The following LGR6 variants were observed in gnomAD, a reference collection of about 807,000 sequenced individuals.
LGR6 encodes leucine-rich repeat-containing G protein-coupled receptor 6.
A neutral mutation model predicts 69.4 loss-of-function variants in LGR6; 45 were observed. The observed-to-expected ratio is 0.65, with a 90% CI of 0.51 to 0.83. LGR6 has a LOEUF of 0.83. LGR6 is among the 40% of genes least tolerant of loss of function. The pLI is 0.00. For synonymous variants in LGR6, 538 were observed against 555.0 expected (o/e 0.97, Z 0.43); for missense variants, 1,108 against 1,246.7 (o/e 0.89, Z 1.68).
intron 4 of LGR6, among the ~76,000 whole-genome samples, chr1:202,241,641 TG>T (rs1463186711): frequency 1.5e-5 from 2 of 132,676 alleles, no homozygotes; most frequent in Non-Finnish European, 3.2e-5. Context: ...CAGCAGAGCC[TG>T]GGGGAAAATA....
intron 11 of LGR6, among the ~76,000 whole-genome samples, chr1:202,305,126 G>A (rs1046681440): frequency 6.6e-6 from 1 of 152,104 alleles, no homozygotes. Context: ...AACGCATAGT[G>A]TGTGGAAAGA....
At chr1:202,276,945 C>G (rs1394620589) in intron 5 of LGR6, among the ~76,000 whole-genome samples, 1 of 152,072 alleles carries the variant, frequency 6.6e-6, no homozygotes, top group Non-Finnish European at 1.5e-5. Context: ...ATTTCCCAGG[C>G]CTTAAGAAGC....
At chr1:202,215,003 G>GTT (rs963964064) in intron 1 of LGR6, among the ~76,000 whole-genome samples, 6 of 149,216 alleles carry the variant, frequency 4.0e-5, no homozygotes, top group Admixed American at 6.7e-5. Context: ...GTGTGTGTGT[G>GTT]TGTGTGTGTG....
At chr1:202,295,387 A>G (rs1394916846) in intron 6 of LGR6, among the ~76,000 whole-genome samples, 1 of 151,904 alleles carries the variant, frequency 6.6e-6, no homozygotes, top group African/African-American at 2.4e-5. Flanking sequence ...CATTTATGGG[A>G]AATCTAGTTC....
At chr1:202,255,747 A>C (rs537687573) in intron 4 of LGR6, among the ~76,000 whole-genome samples, 30 of 152,260 alleles carry the variant, frequency 2.0e-4, no homozygotes, top group Non-Finnish European at 4.3e-4. Context: ...ATGAGCACAC[A>C]TACTCTTACA....
chr1:202,197,361 T>C (rs923100780), intron 1 of LGR6: 10 of 530,116 alleles, frequency 1.9e-5, no homozygotes, highest in African/African-American at 1.7e-4. Flanking sequence ...GCCAGCCCTG[T>C]TTGATCAAGG....
rs1165506409 is a variant in LGR6, at chr1:202,268,229, GCTGGCAC to G, written c.429-8069_429-8063del. ...GAGCCCCGTGGCCCTCCGTGCAGAAGCTGGCACCTGGCACTGGCGGCTGGTGCTGGTG... is the reference window on the plus strand; with the variant it reads ...GAGCCCCGTGGCCCTCCGTGCAGAAGCTGGCACTGGCGGCTGGTGCTGGTG... On this transcript the variant is annotated intron_variant, in intron 4 of 17. Coordinates refer to ENST00000367278, the MANE Select transcript of LGR6 (RefSeq NM_001017403.2). This position sits in a 1 kb window ranked among gnomAD's most constrained non-coding sequence, Gnocchi z 4.4. Among the ~76,000 whole-genome samples, 2 of 152,226 alleles carry G rather than the reference GCTGGCAC, an allele frequency of 1.3e-5. No individual in the cohort carries two copies. Among genetic ancestry groups the G allele is most frequent in the Non-Finnish European group, 2.9e-5 (2 of 68,032 alleles).
intron 4 of LGR6, among the ~76,000 whole-genome samples, chr1:202,242,385 T>C (rs1015319386): frequency 2.0e-5 from 3 of 152,194 alleles, no homozygotes; most frequent in Non-Finnish European, 4.4e-5. Context: ...GTTCAAGTCC[T>C]AGCTCTATCA....
At chr1:202,196,305 C>T (rs1193756700) in intron 1 of LGR6, among the ~76,000 whole-genome samples, 1 of 152,088 alleles carries the variant, frequency 6.6e-6, no homozygotes, top group African/African-American at 2.4e-5. Context: ...TTTCTTTGCC[C>T]TCTCTGGAGA....
intron 6 of LGR6, among the ~76,000 whole-genome samples, chr1:202,296,289 A>G (rs545999189): frequency 6.6e-6 from 1 of 152,318 alleles, no homozygotes; most frequent in South Asian, 2.1e-4. Flanking sequence ...TCCAAGAGGC[A>G]TTAAGACACC....
intron 4 of LGR6, among the ~76,000 whole-genome samples, chr1:202,249,596 C>G (rs1020097575): frequency 6.6e-6 from 1 of 152,224 alleles, no homozygotes; most frequent in African/African-American, 2.4e-5. Flanking sequence ...GTAAACCCAT[C>G]ATCTCCTATG....
At chr1:202,316,576 G>T (rs1251765913) in intron 17 of LGR6, among the ~76,000 whole-genome samples, 1 of 152,086 alleles carries the variant, frequency 6.6e-6, no homozygotes, top group African/African-American at 2.4e-5. Context: ...TCTTAATTTA[G>T]CTTGAAAACC....
At chr1:202,272,122 T>C (rs533813998) in intron 4 of LGR6, among the ~76,000 whole-genome samples, 4 of 152,348 alleles carry the variant, frequency 2.6e-5, no homozygotes, top group Admixed American at 6.5e-5. Flanking sequence ...ATGGGACTTA[T>C]TCAAACTTAT....
At chr1:202,303,371 CT>C in intron 10 of LGR6, 24 bp downstream of exon 10, 2 of 1,586,514 alleles carry the variant, frequency 1.3e-6, no homozygotes, top group Non-Finnish European at 1.7e-6. Flanking sequence ...CTCTCCCTAC[CT>C]TATCTATCGC....
At chr1:202,290,570 C>T (rs949891842) in intron 6 of LGR6, among the ~76,000 whole-genome samples, 7 of 152,274 alleles carry the variant, frequency 4.6e-5, no homozygotes, top group Non-Finnish European at 2.9e-5. Context: ...AGCTCATTTC[C>T]TCATCAATAA....
chr1:202,285,820 C>T (rs1440567370), intron 6 of LGR6, among the ~76,000 whole-genome samples: 1 of 152,162 alleles, frequency 6.6e-6, no homozygotes, highest in African/African-American at 2.4e-5. Flanking sequence ...CTTAAAAAAA[C>T]AGCAACTTAT....
At chr1:202,303,023 C>A (rs942690636) in intron 9 of LGR6, among the ~76,000 whole-genome samples, 1 of 152,080 alleles carries the variant, frequency 6.6e-6, no homozygotes, top group Non-Finnish European at 1.5e-5. Context: ...CAAGCTGAAG[C>A]GTGAATGCTG....
rs940683421 is a variant in LGR6 at position 202,299,259 on chromosome 1, C to CAAA, written c.786-1572_786-1570dup. Among the ~76,000 whole-genome samples the CAAA allele has an allele frequency of 5.3e-3, 358 of 67,112 alleles. 3 individuals carry two copies. Among genetic ancestry groups the CAAA allele is most frequent in the African/African-American group, 0.017 (333 of 19,572 alleles). The allele number at this position is 67,112 out of a possible 152,430, so 44.0% of individuals were successfully genotyped here. On this transcript the variant is annotated intron_variant, in intron 7 of 17. Transcript: ENST00000367278. ...TGGGTGACAAAGTGAGACTCTGTCT[C>CAAA]AAAAAAAAAAAAAAAAAAAAGTCTG...
intron 4 of LGR6, among the ~76,000 whole-genome samples, chr1:202,248,609 G>A (rs1259095228): frequency 6.6e-6 from 1 of 152,230 alleles, no homozygotes; most frequent in African/African-American, 2.4e-5. Context: ...ACTATGGAGA[G>A]GGAGGAGCGA....
Sources: gnomAD v4.1 joint callset for allele counts (sites outside exome capture counted in the v4.1 genomes callset) on GRCh38, gnomAD v4.1.1 for gene constraint, Gnocchi (gnomAD v3.1) non-coding constraint, MANE v1.5 for transcripts, NCBI Gene and HGNC (gene_info 2026-07-23, HGNC 2026-07-21) for gene names.